GMDS: variants seen among roughly 807,000 people sequenced by gnomAD.
The protein encoded by GMDS is GDP-mannose 4,6-dehydratase, also known as GDP-mannose 4,6 dehydratase.
GMDS carries 20 observed loss-of-function variants against 49.9 expected under a neutral mutation model. The observed-to-expected ratio is 0.40, with a 90% CI of 0.28 to 0.58. GMDS has a LOEUF of 0.58. Among genes scored for constraint, GMDS ranks in the 20% least tolerant of loss-of-function variants. GMDS has a pLI of 0.42. For synonymous variants in GMDS, 177 were observed against 178.6 expected (o/e 0.99, Z 0.07); for missense variants, 362 against 481.4 (o/e 0.75, Z 2.32).
chr6:2,200,882 G>C lies in GMDS; in HGVS notation c.102+44439C>G, dbSNP rs527473021. The stretch of plus-strand genomic sequence containing the variant: ...AGCAGAGAGGTGAAGGATGAAGAGA[G>C]AGCACCAAATGGGCATCCGAAATGT... On this transcript the variant is annotated intron_variant, in intron 1 of 10. Transcript: ENST00000380815. 2.8e-5 allele frequency among the ~76,000 whole-genome samples: 4 copies of C among 144,818 alleles called. No individual in the cohort carries two copies. The South Asian group carries it at 9.3e-4, about 34-fold the overall frequency.
intron 7 of GMDS, among the ~76,000 whole-genome samples, chr6:1,886,873 T>C (rs1015181238): frequency 6.6e-6 from 1 of 152,234 alleles, no homozygotes; most frequent in Non-Finnish European, 1.5e-5. Flanking sequence ...TGGCAGATTT[T>C]TTCTTATTTG....
intron 1 of GMDS, among the ~76,000 whole-genome samples, chr6:2,180,499 T>C (rs1399787340): frequency 2.6e-5 from 4 of 152,210 alleles, no homozygotes; most frequent in Admixed American, 1.3e-4. Flanking sequence ...ACTTAGAATA[T>C]GAAAAATTGA....
chr6:1,902,541 A>T (rs997173631), intron 7 of GMDS, among the ~76,000 whole-genome samples: 1 of 152,234 alleles, frequency 6.6e-6, no homozygotes, highest in African/African-American at 2.4e-5. Context: ...TGTGTAGCAC[A>T]TCTGGAAAAT....
chr6:1,785,839 C>T (rs971626472), intron 7 of GMDS, among the ~76,000 whole-genome samples: 2 of 152,234 alleles, frequency 1.3e-5, no homozygotes, highest in African/African-American at 2.4e-5. Context: ...TTCAGCAGTG[C>T]TCATTTTCTG....
At chr6:1,821,445 A>G (rs1770890582) in intron 7 of GMDS, among the ~76,000 whole-genome samples, 2 of 152,002 alleles carry the variant, frequency 1.3e-5, no homozygotes, top group African/African-American at 4.8e-5. Flanking sequence ...GGGCGAGGAT[A>G]AGGAGGGAAA....
At chr6:2,001,653 A>G (rs376077953) in intron 4 of GMDS, among the ~76,000 whole-genome samples, 2 of 152,316 alleles carry the variant, frequency 1.3e-5, no homozygotes, top group East Asian at 3.9e-4. Context: ...TACAAGCAAC[A>G]GTAATAAAGA....
chr6:1,742,292 T>C (rs199868763), intron 8 of GMDS, among the ~76,000 whole-genome samples, 176 bp downstream of exon 8: 1 of 152,084 alleles, frequency 6.6e-6, no homozygotes, highest in African/African-American at 2.4e-5. Flanking sequence ...ATCTGACAAA[T>C]AACACAAGTA....
intron 1 of GMDS, among the ~76,000 whole-genome samples, chr6:2,172,795 G>A (rs954167139): frequency 1.1e-4 from 16 of 152,138 alleles, no homozygotes; most frequent in African/African-American, 3.9e-4. Flanking sequence ...ACACACCTCA[G>A]TCTGACCTAC....
chr6:2,183,269 A>C (rs1452401611), intron 1 of GMDS, among the ~76,000 whole-genome samples: 2 of 152,218 alleles, frequency 1.3e-5, no homozygotes, highest in Non-Finnish European at 2.9e-5. Context: ...ACCATTCTAG[A>C]TTCATGATTC....
intron 4 of GMDS, among the ~76,000 whole-genome samples, chr6:1,990,167 G>A (rs781050506): frequency 9.2e-5 from 14 of 152,166 alleles, no homozygotes; most frequent in Admixed American, 1.3e-4. Flanking sequence ...ATGGTGGCAC[G>A]TGCCTGTAGT....
At chr6:1,795,277 C>T (rs891108780) in intron 7 of GMDS, among the ~76,000 whole-genome samples, 15 of 152,132 alleles carry the variant, frequency 9.9e-5, no homozygotes, top group Non-Finnish European at 1.8e-4. Context: ...ACCAAAGACT[C>T]TGAGGTACAG....
intron 4 of GMDS, among the ~76,000 whole-genome samples, chr6:2,027,832 T>G (rs7765000): frequency 1.2e-4 from 18 of 152,278 alleles, no homozygotes; most frequent in African/African-American, 4.3e-4. Context: ...AATTTGAACA[T>G]GTACAGTAGA....
At chr6:2,007,154 G>C (rs575802548) in intron 4 of GMDS, among the ~76,000 whole-genome samples, 1 of 152,256 alleles carries the variant, frequency 6.6e-6, no homozygotes, top group South Asian at 2.1e-4. Context: ...GTAGCTTCAA[G>C]GCATAAAATA....
In GMDS at chr6:2,235,584, T is replaced by C. The variant is rs139810199; in HGVS notation, c.102+9737A>G. 4.1e-3 allele frequency among the ~76,000 whole-genome samples: 621 copies of C among 152,002 alleles called. 7 individuals are homozygous for C. Among genetic ancestry groups the C allele is most frequent in the African/African-American group, 0.013 (532 of 41,462 alleles). On this transcript the variant is annotated intron_variant, in intron 1 of 10. Coordinates refer to ENST00000380815, the MANE Select transcript of GMDS (RefSeq NM_001500.4). ...ACTTGGAGAGGTTGAGATGGTAGAA[T>C]TGCTTGAGCCAAGGAGTTTGAAACC...
rs372113052 is a variant in GMDS, at chr6:2,107,575, G to A, written c.345+8196C>T. Among the ~76,000 whole-genome samples, 12 of 152,350 alleles carry A rather than the reference G, an allele frequency of 7.9e-5. No homozygotes were observed. The East Asian group carries it at 1.9e-3, about 24-fold the overall frequency. Reference sequence around the variant, plus strand: ...TAACAAATAAAAGTGGTTACAAACTGTATTAAGTTATCACGGGGGCTGTGT... The same window carrying A: ...TAACAAATAAAAGTGGTTACAAACTATATTAAGTTATCACGGGGGCTGTGT... On this transcript the variant is annotated intron_variant, in intron 4 of 10. Transcript: ENST00000380815.
intron 7 of GMDS, among the ~76,000 whole-genome samples, chr6:1,923,673 T>C (rs901621685): frequency 6.6e-6 from 1 of 152,190 alleles, no homozygotes; most frequent in African/African-American, 2.4e-5. Flanking sequence ...TTGAGCATGG[T>C]GGGCCAAGTA....
At chr6:2,082,392 T>C (rs1772766219) in intron 4 of GMDS, among the ~76,000 whole-genome samples, 1 of 152,216 alleles carries the variant, frequency 6.6e-6, no homozygotes, top group African/African-American at 2.4e-5. Context: ...GTGTCACTGC[T>C]GCTGGCCAGG....
chr6:1,975,012 T>C (rs529424805), intron 4 of GMDS, among the ~76,000 whole-genome samples: 1 of 148,736 alleles, frequency 6.7e-6, no homozygotes, highest in Non-Finnish European at 1.5e-5. Context: ...CACTCCAGCC[T>C]GGGCAACAGA....
chr6:2,202,093 C>A (rs1779567568), intron 1 of GMDS, among the ~76,000 whole-genome samples: 1 of 143,976 alleles, frequency 6.9e-6, no homozygotes, highest in Non-Finnish European at 1.5e-5. Flanking sequence ...GAGAGCACCA[C>A]ATGCACATCC....
Sources: allele counts gnomAD v4.1 joint callset (sites outside exome capture counted in the v4.1 genomes callset), GRCh38; gene constraint gnomAD v4.1.1; transcripts MANE v1.5; gene names NCBI Gene and HGNC (gene_info 2026-07-23, HGNC 2026-07-21).